ABCA13: variants seen among roughly 807,000 people sequenced by gnomAD.
The protein encoded by ABCA13 is ATP binding cassette subfamily A member 13, also known as ATP-binding cassette sub-family A member 13.
ABCA13 carries 476 observed loss-of-function variants against 478.7 expected under a neutral mutation model. That is an observed-to-expected ratio of 0.99 (90% CI 0.92 to 1.07). ABCA13 has a LOEUF of 1.07. Ranked by LOEUF, ABCA13 falls within the 50% of genes least tolerant of loss-of-function variation. The pLI, the probability that ABCA13 is intolerant of heterozygous loss-of-function variation, is 0.00. For synonymous variants in ABCA13, 2,252 were observed against 2,158.9 expected, an observed-to-expected ratio of 1.04 and a Z score of -1.20; for missense variants, 6,060 against 5,910.6, an observed-to-expected ratio of 1.03 and a Z score of -0.83.
intron 13 of ABCA13, among the ~76,000 whole-genome samples, chr7:48,247,839 C>G (rs1791931201): frequency 1.3e-5 from 2 of 152,038 alleles, no homozygotes; most frequent in African/African-American, 4.8e-5. Context: ...GAAGGTAGAA[C>G]TAGAACTGGC....
intron 57 of ABCA13, among the ~76,000 whole-genome samples, chr7:48,589,766 G>T (rs1194987462): frequency 1.3e-5 from 2 of 152,188 alleles, no homozygotes; most frequent in Non-Finnish European, 2.9e-5. Flanking sequence ...TCTGCTGAGG[G>T]TGCCAACCCT....
intron 15 of ABCA13, among the ~76,000 whole-genome samples, chr7:48,257,242 A>G (rs866585182): frequency 2.0e-5 from 3 of 152,156 alleles, no homozygotes; most frequent in African/African-American, 7.2e-5. Context: ...ACAAGGATAA[A>G]ACTATCCCTG....
At chr7:48,277,498 C>T (rs1414872626) in intron 17 of ABCA13, among the ~76,000 whole-genome samples, 1 of 152,182 alleles carries the variant, frequency 6.6e-6, no homozygotes, top group Non-Finnish European at 1.5e-5. Context: ...TTTATAGCAA[C>T]ACCTAGGTTA....
intron 35 of ABCA13, among the ~76,000 whole-genome samples, chr7:48,382,171 T>TA (rs1031394257): frequency 5.9e-5 from 9 of 152,316 alleles, no homozygotes; most frequent in Admixed American, 5.2e-4. Flanking sequence ...GATCTGGACT[T>TA]ACAGCGAGTT....
At chr7:48,633,915 C>G (rs866367041) in intron 59 of ABCA13, among the ~76,000 whole-genome samples, 1 of 117,056 alleles carries the variant, frequency 8.5e-6, no homozygotes, top group Non-Finnish European at 1.8e-5. Flanking sequence ...TAGATAGATA[C>G]ATAGATAGAT....
chr7:48,425,243 C>T (rs185364158), intron 41 of ABCA13, among the ~76,000 whole-genome samples: 2 of 152,234 alleles, frequency 1.3e-5, no homozygotes, highest in Admixed American at 1.3e-4. Context: ...ACCCTCCTCC[C>T]CGCCACATAC....
chr7:48,334,072 A>C (rs1805827384), intron 27 of ABCA13, among the ~76,000 whole-genome samples: 1 of 152,122 alleles, frequency 6.6e-6, no homozygotes, highest in Non-Finnish European at 1.5e-5. Flanking sequence ...GCCTTCTGTT[A>C]CTAGAATGTT....
intron 42 of ABCA13, among the ~76,000 whole-genome samples, chr7:48,433,439 G>A (rs543255305): frequency 6.7e-6 from 1 of 148,740 alleles, no homozygotes; most frequent in South Asian, 2.1e-4. Flanking sequence ...TTTTATATAT[G>A]ATAAATATAT....
chr7:48,319,916 TAAGGCCTTCCGCCTCTGGGC>T (rs1284659141), intron 27 of ABCA13, among the ~76,000 whole-genome samples: 1 of 152,168 alleles, frequency 6.6e-6, no homozygotes, highest in African/African-American at 2.4e-5. Context: ...GGACCCTTAG[TAAGGCCTTCCGCCTCTGGGC>T]TCTGATATCC....
chr7:48,543,418 G>A (rs568319111), intron 55 of ABCA13, among the ~76,000 whole-genome samples: 1 of 151,836 alleles, frequency 6.6e-6, no homozygotes, highest in East Asian at 1.9e-4. Context: ...GAGGTTAGGA[G>A]TTCGAGACCA....
At position 48,389,217 on chromosome 7, in the gene ABCA13, T is replaced by C. The variant is rs1338068473; in HGVS notation, c.11651T>C (p.Ile3884Thr). 1 of 1,612,506 alleles carries C rather than the reference T, an allele frequency of 6.2e-7. No homozygotes were observed. The highest frequency in any genetic ancestry group is 8.5e-7 in the Non-Finnish European group (1 of 1,179,242). Residue 3884 changes from isoleucine to threonine, a missense_variant, in exon 37 of 62, where the codon ATC becomes ACC. Ile to Thr is a moderately conservative substitution (Grantham distance 89, BLOSUM62 -1). Transcript: ENST00000435803. ...LGTNGAGKTT[I>T]ISMLTGLHPP... ...ACAAACGGTGCCGGGAAAACCACTA[T>C]CATGTGGGTCCCATTTTACCCTTAT... is the stretch of plus-strand genomic sequence containing the variant.
At chr7:48,550,537 G>T (rs1415279731) in intron 55 of ABCA13, among the ~76,000 whole-genome samples, 1 of 151,762 alleles carries the variant, frequency 6.6e-6, no homozygotes, top group Non-Finnish European at 1.5e-5. Flanking sequence ...GGGATTACAG[G>T]CGTGAGCCAC....
intron 31 of ABCA13, among the ~76,000 whole-genome samples, chr7:48,366,051 G>A (rs1390040078): frequency 3.3e-5 from 5 of 151,750 alleles, no homozygotes; most frequent in South Asian, 2.1e-4. Flanking sequence ...CTATCTTGAG[G>A]AAAAAAAATG....
chr7:48,298,194 A>C (rs1442894388), intron 22 of ABCA13, among the ~76,000 whole-genome samples, 172 bp from the exon 23 acceptor site: 1 of 152,104 alleles, frequency 6.6e-6, no homozygotes, highest in African/African-American at 2.4e-5. Flanking sequence ...TTGTCATATA[A>C]ATTATTTAAG....
In ABCA13 at chr7:48,634,901, C is replaced by T. The variant is rs542163342; in HGVS notation, c.14838-8387C>T. Reference sequence around the variant, plus strand: ...CTTCTGCCTCGTTGTTTTACCCACACGCAGCTGGTAAGATTCACTCATTGC... The same window carrying T: ...CTTCTGCCTCGTTGTTTTACCCACATGCAGCTGGTAAGATTCACTCATTGC... On this transcript the variant is annotated intron_variant, in intron 59 of 61. Coordinates refer to ENST00000435803, the MANE Select transcript of ABCA13 (RefSeq NM_152701.5). Among the ~76,000 whole-genome samples the T allele has an allele frequency of 3.3e-5, 5 of 152,224 alleles. No individual in the cohort carries two copies. The East Asian group carries it at 7.7e-4, about 24-fold the overall frequency.
chr7:48,191,409 A>G (rs1268046647), intron 1 of ABCA13, among the ~76,000 whole-genome samples: 1 of 152,116 alleles, frequency 6.6e-6, no homozygotes, highest in Non-Finnish European at 1.5e-5. Context: ...TTTATTTTTA[A>G]TTTTTTAATT....
At chr7:48,361,932 C>G (rs1810917277) in intron 31 of ABCA13, among the ~76,000 whole-genome samples, 1 of 151,898 alleles carries the variant, frequency 6.6e-6, no homozygotes, top group South Asian at 2.1e-4. Context: ...TTTTACATAT[C>G]AGAGGGACAA....
intron 24 of ABCA13, 120 bp from the exon 25 acceptor site, chr7:48,312,947 C>T (rs2128886876): frequency 9.1e-7 from 1 of 1,100,504 alleles, no homozygotes; most frequent in East Asian, 2.7e-5. Context: ...AAAGGCGTCT[C>T]TGAAGTTCAA....
intron 47 of ABCA13, among the ~76,000 whole-genome samples, chr7:48,487,308 C>CAAAAAAAAAAAAAAAAAAAAAAA (rs201286870): frequency 1.8e-5 from 2 of 110,844 alleles, no homozygotes; most frequent in Non-Finnish European, 3.7e-5. Context: ...AACTGTGTCT[C>CAAAAAAAAAAAAAAAAAAAAAAA]AAAAAAAAAA....
Sources: allele counts gnomAD v4.1 joint callset (sites outside exome capture counted in the v4.1 genomes callset), GRCh38; gene constraint gnomAD v4.1.1; transcripts MANE v1.5; gene names NCBI Gene and HGNC (gene_info 2026-07-23, HGNC 2026-07-21).